Variants in KLHL1 observed in about 807,000 individuals in gnomAD.
The protein encoded by KLHL1 is kelch-like protein 1.
A neutral mutation model predicts 77.7 loss-of-function variants in KLHL1; 47 were observed. The ratio of observed to expected loss-of-function variants is 0.60; its 90% confidence interval spans 0.48 to 0.77. The LOEUF (loss-of-function observed/expected upper bound fraction) is 0.77, where lower values mean the gene tolerates loss of function less well. KLHL1 is among the 30% of genes least tolerant of loss of function. KLHL1 has a pLI of 0.00. For synonymous variants in KLHL1, 360 were observed against 325.2 expected (o/e 1.11, Z -1.15); for missense variants, 925 against 910.8 (o/e 1.02, Z -0.20).
At chr13:69,978,225 A>G (rs1377235080) in intron 1 of KLHL1, among the ~76,000 whole-genome samples, 1 of 151,956 alleles carries the variant, frequency 6.6e-6, no homozygotes, top group South Asian at 2.1e-4. Context: ...TTTAGAATGA[A>G]CATACTATTG....
chr13:70,020,225 C>T (rs1885755108), intron 1 of KLHL1, among the ~76,000 whole-genome samples: 1 of 152,082 alleles, frequency 6.6e-6, no homozygotes, highest in Non-Finnish European at 1.5e-5. Context: ...CTAACAGCAT[C>T]AATACATAAA....
intron 10 of KLHL1, among the ~76,000 whole-genome samples, chr13:69,703,400 T>C (rs994244223): frequency 6.6e-6 from 1 of 151,320 alleles, no homozygotes; most frequent in African/African-American, 2.4e-5. Flanking sequence ...AATGTAACTA[T>C]TACTATAAAA....
chr13:70,040,877 T>A (rs764916092), intron 1 of KLHL1, among the ~76,000 whole-genome samples: 17 of 152,142 alleles, frequency 1.1e-4, no homozygotes, highest in Non-Finnish European at 2.2e-4. Flanking sequence ...ATATTTGATA[T>A]TTCATTGTAT....
At chr13:69,731,712 C>A (rs1030834451) in intron 8 of KLHL1, among the ~76,000 whole-genome samples, 2 of 152,062 alleles carry the variant, frequency 1.3e-5, no homozygotes, top group South Asian at 2.1e-4. Context: ...TTCTGGTTCA[C>A]CTTTTCTTTC....
intron 5 of KLHL1, among the ~76,000 whole-genome samples, chr13:69,861,912 C>A (rs1880181413): frequency 6.7e-6 from 1 of 150,200 alleles, no homozygotes; most frequent in Admixed American, 6.7e-5. Context: ...TTGTGGTGAG[C>A]CAAGATCACA....
intron 8 of KLHL1, among the ~76,000 whole-genome samples, chr13:69,724,666 C>T (rs1593775277): frequency 1.3e-5 from 2 of 151,960 alleles, no homozygotes; most frequent in South Asian, 2.1e-4. Flanking sequence ...GAATTTATAC[C>T]TAGGATGCAA....
At chr13:69,903,360 A>C (rs1433645115) in intron 4 of KLHL1, among the ~76,000 whole-genome samples, 1 of 152,000 alleles carries the variant, frequency 6.6e-6, no homozygotes, top group Non-Finnish European at 1.5e-5. Flanking sequence ...ATTTAAACAA[A>C]CCCACCAGAG....
intron 2 of KLHL1, among the ~76,000 whole-genome samples, chr13:69,974,894 TC>T (rs1390507541): frequency 6.6e-6 from 1 of 151,998 alleles, no homozygotes; most frequent in Non-Finnish European, 1.5e-5. Flanking sequence ...AAAAATAAAA[TC>T]AATAATATAA....
At chr13:69,841,679 C>G (rs979461983) in intron 5 of KLHL1, among the ~76,000 whole-genome samples, 1 of 151,784 alleles carries the variant, frequency 6.6e-6, no homozygotes, top group Non-Finnish European at 1.5e-5. Flanking sequence ...TTACCAAAGT[C>G]ATTTTTTCAC....
intron 1 of KLHL1, among the ~76,000 whole-genome samples, chr13:70,095,843 A>C (rs1261578469): frequency 1.1e-4 from 16 of 149,574 alleles, no homozygotes; most frequent in Non-Finnish European, 4.5e-5. Flanking sequence ...CCCCCACCAC[A>C]CTCGCTAATA....
At chr13:69,992,675 A>AT (rs1885055811) in intron 1 of KLHL1, among the ~76,000 whole-genome samples, 1 of 152,022 alleles carries the variant, frequency 6.6e-6, no homozygotes, top group South Asian at 2.1e-4. Flanking sequence ...ATTTTACTTC[A>AT]TTATTCCAAA....
intron 4 of KLHL1, among the ~76,000 whole-genome samples, chr13:69,922,486 T>G (rs755447330): frequency 1.3e-4 from 20 of 152,208 alleles, no homozygotes; most frequent in Non-Finnish European, 2.8e-4. Flanking sequence ...TAGCTTATAC[T>G]TATTATGTTT....
At chr13:69,743,607 A>G (rs1436643655) in intron 7 of KLHL1, among the ~76,000 whole-genome samples, 2 of 152,150 alleles carry the variant, frequency 1.3e-5, no homozygotes, top group Middle Eastern at 3.4e-3. Context: ...CAACAAGGCA[A>G]AAATCTCGTC....
intron 5 of KLHL1, among the ~76,000 whole-genome samples, chr13:69,845,758 C>G (rs893227387): frequency 6.6e-6 from 1 of 151,244 alleles, no homozygotes; most frequent in African/African-American, 2.4e-5. Context: ...AACAAAATAT[C>G]TTGAAATCAT....
intron 4 of KLHL1, among the ~76,000 whole-genome samples, chr13:69,892,133 G>A (rs933330394): frequency 2.2e-4 from 33 of 151,924 alleles, no homozygotes; most frequent in Admixed American, 6.6e-5. Context: ...GCTGAACATC[G>A]GTATTTGCCA....
At chr13:69,896,741 T>A (rs188210280) in intron 4 of KLHL1, among the ~76,000 whole-genome samples, 239 of 151,790 alleles carry the variant, frequency 1.6e-3, no homozygotes, top group Non-Finnish European at 9.1e-4. Context: ...CAATCTCGGC[T>A]CACTGCAGCC....
At chr13:69,814,296 A>C (rs1378383472) in intron 6 of KLHL1, among the ~76,000 whole-genome samples, 1 of 148,712 alleles carries the variant, frequency 6.7e-6, no homozygotes, top group Non-Finnish European at 1.5e-5. Flanking sequence ...AAAATCATAG[A>C]ACAATACCTA....
intron 5 of KLHL1, among the ~76,000 whole-genome samples, chr13:69,872,142 C>T (rs1880610277): frequency 6.6e-6 from 1 of 152,140 alleles, no homozygotes; most frequent in Non-Finnish European, 1.5e-5. Flanking sequence ...CCTACACCTG[C>T]CTCTGGTGAG....
At chr13:70,000,309 T>C (rs9542152) in intron 1 of KLHL1, among the ~76,000 whole-genome samples, 1,997 of 152,166 alleles carry the variant, frequency 0.013, 22 homozygotes, top group Non-Finnish European at 0.019. Flanking sequence ...AAAGAGTCTG[T>C]CAGGAAGAAA....
Sources: gnomAD v4.1 joint callset for allele counts (sites outside exome capture counted in the v4.1 genomes callset) on GRCh38, gnomAD v4.1.1 for gene constraint, MANE v1.5 for transcripts, NCBI Gene and HGNC (gene_info 2026-07-23, HGNC 2026-07-21) for gene names.